The following RSRC1 variants were observed in gnomAD, a reference collection of about 807,000 sequenced individuals.
RSRC1 encodes the protein arginine and serine rich coiled-coil 1.
Under a neutral mutation model 49.1 loss-of-function variants are expected in RSRC1, and 39 were observed. That is an observed-to-expected ratio of 0.79 (90% CI 0.61 to 1.04). The LOEUF is 1.04. RSRC1 is among the 50% of genes least tolerant of loss of function. The probability of loss-of-function intolerance (pLI) is 0.00; values close to 1 mark genes in which losing one functional copy is unlikely to be tolerated. For missense variants in RSRC1, 388 were observed against 402.4 expected (o/e 0.96, Z 0.31); for synonymous variants, 143 against 130.8 (o/e 1.09, Z -0.63).
At chr3:158,394,919 A>G (rs1034310263) in intron 6 of RSRC1, among the ~76,000 whole-genome samples, 1 of 152,152 alleles carries the variant, frequency 6.6e-6, no homozygotes, top group African/African-American at 2.4e-5. Flanking sequence ...GAGTCTTCAC[A>G]TTACCCAACT....
intron 6 of RSRC1, among the ~76,000 whole-genome samples, chr3:158,409,005 C>T (rs1734290283): frequency 6.6e-6 from 1 of 151,920 alleles, no homozygotes; most frequent in South Asian, 2.1e-4. Context: ...TGCACTCCAG[C>T]CTGGGCAACA....
At chr3:158,214,013 G>GA (rs1249491464) in intron 4 of RSRC1, among the ~76,000 whole-genome samples, 6 of 150,174 alleles carry the variant, frequency 4.0e-5, no homozygotes, top group Non-Finnish European at 5.9e-5. Flanking sequence ...ATGTTTGTGG[G>GA]AAAAAACAAT....
intron 6 of RSRC1, among the ~76,000 whole-genome samples, chr3:158,387,190 T>C (rs1733012487): frequency 6.6e-6 from 1 of 152,156 alleles, no homozygotes. Flanking sequence ...TTGATAAACC[T>C]GTCTCATTTC....
chr3:158,430,149 A>AATGGTG, intron 6 of RSRC1, among the ~76,000 whole-genome samples: 1 of 152,022 alleles, frequency 6.6e-6, no homozygotes, highest in East Asian at 1.9e-4. Context: ...TAGTAGTGGT[A>AATGGTG]ATGGTGATGG....
intron 4 of RSRC1, among the ~76,000 whole-genome samples, chr3:158,263,903 A>C (rs962743773): frequency 2.6e-5 from 4 of 152,228 alleles, no homozygotes; most frequent in Admixed American, 6.5e-5. Flanking sequence ...TATTTCTTAT[A>C]TTAGTAATTT....
chr3:158,258,858 C>T (rs377354246), intron 4 of RSRC1, among the ~76,000 whole-genome samples: 7 of 151,984 alleles, frequency 4.6e-5, no homozygotes, highest in African/African-American at 1.7e-4. Flanking sequence ...CTCAGTATGT[C>T]AGTTTCATTT....
chr3:158,177,905 C>T (rs145240575), intron 3 of RSRC1, among the ~76,000 whole-genome samples: 86 of 152,128 alleles, frequency 5.7e-4, no homozygotes, highest in African/African-American at 1.9e-3. Context: ...AATGTGATTT[C>T]GTTGGGATTT....
chr3:158,357,831 A>G (rs1731240450), intron 6 of RSRC1, among the ~76,000 whole-genome samples: 1 of 152,162 alleles, frequency 6.6e-6, no homozygotes, highest in African/African-American at 2.4e-5. Context: ...ATGGGCAAAG[A>G]CTTCAGGCCT....
At chr3:158,149,036 A>G (rs867678017) in intron 3 of RSRC1, among the ~76,000 whole-genome samples, 49 of 152,178 alleles carry the variant, frequency 3.2e-4, no homozygotes, top group Admixed American at 5.9e-4. Flanking sequence ...CACCCACCTC[A>G]GCCTTCCAAA....
At chr3:158,337,722 A>C (rs1358713171) in intron 5 of RSRC1, among the ~76,000 whole-genome samples, 3 of 152,134 alleles carry the variant, frequency 2.0e-5, no homozygotes, top group Non-Finnish European at 4.4e-5. Flanking sequence ...TCTAAAACCT[A>C]TCTCATCCTG....
intron 4 of RSRC1, among the ~76,000 whole-genome samples, chr3:158,228,944 ATG>A (rs1328476868): frequency 7.0e-6 from 1 of 143,574 alleles, no homozygotes; most frequent in Non-Finnish European, 1.5e-5. Flanking sequence ...ATACGTGTAT[ATG>A]TGTGTATAAA....
intron 3 of RSRC1, among the ~76,000 whole-genome samples, chr3:158,138,843 C>G (rs1716562634): frequency 6.6e-6 from 1 of 152,100 alleles, no homozygotes; most frequent in Non-Finnish European, 1.5e-5. Flanking sequence ...ATAATGATTA[C>G]TTAAAATATT....
At chr3:158,353,995 C>CTTCTT (rs1731015929) in intron 5 of RSRC1, among the ~76,000 whole-genome samples, 1 of 96,302 alleles carries the variant, frequency 1.0e-5, no homozygotes, top group African/African-American at 4.1e-5. Context: ...GTTTCTTTTT[C>CTTCTT]TTTTTTTTTT....
chr3:158,453,369 T>G (rs1487426867), intron 6 of RSRC1, among the ~76,000 whole-genome samples: 1 of 145,990 alleles, frequency 6.8e-6, no homozygotes, highest in Non-Finnish European at 1.5e-5. Flanking sequence ...CAAAAGTCTG[T>G]GTAGCCCGGA....
At chr3:158,304,857 TCTTTC>T (rs1420903000) in intron 5 of RSRC1, among the ~76,000 whole-genome samples, 2 of 152,170 alleles carry the variant, frequency 1.3e-5, no homozygotes, top group Non-Finnish European at 2.9e-5. Flanking sequence ...TAAATCTTTC[TCTTTC>T]CTTTTAACAC....
At chr3:158,465,863 A>G (rs1737862366) in intron 7 of RSRC1, among the ~76,000 whole-genome samples, 1 of 152,144 alleles carries the variant, frequency 6.6e-6, no homozygotes, top group Non-Finnish European at 1.5e-5. Context: ...TGTTTTCTTT[A>G]AAAAGAAAAT....
At chr3:158,524,147 CACA>C (rs541570708) in intron 7 of RSRC1, among the ~76,000 whole-genome samples, 97 of 152,142 alleles carry the variant, frequency 6.4e-4, no homozygotes, top group African/African-American at 2.2e-3. Flanking sequence ...CTCATCTGGG[CACA>C]ACATTTTTGG....
intron 7 of RSRC1, among the ~76,000 whole-genome samples, chr3:158,530,588 T>A (rs976546948): frequency 4.0e-5 from 6 of 151,784 alleles, no homozygotes; most frequent in Non-Finnish European, 7.4e-5. Context: ...ATGTGCTCAC[T>A]TATTTGAAAA....
intron 6 of RSRC1, among the ~76,000 whole-genome samples, chr3:158,401,578 A>G (rs1231139987): frequency 1.3e-5 from 2 of 152,010 alleles, no homozygotes; most frequent in African/African-American, 4.8e-5. Flanking sequence ...CCACTTCAAG[A>G]TCAGCATCCA....
Sources: gnomAD v4.1 joint callset for allele counts (sites outside exome capture counted in the v4.1 genomes callset) on GRCh38, gnomAD v4.1.1 for gene constraint, MANE v1.5 for transcripts, NCBI Gene and HGNC (gene_info 2026-07-23, HGNC 2026-07-21) for gene names.